DCAF1: variants seen among roughly 807,000 people sequenced by gnomAD.
DCAF1 encodes the protein DDB1 and CUL4 associated factor 1, also known as DDB1- and CUL4-associated factor 1.
A neutral mutation model predicts 128.0 loss-of-function variants in DCAF1; 15 were observed. The observed-to-expected ratio is 0.12, with a 90% CI of 0.08 to 0.18. The LOEUF is 0.18. Ranked by LOEUF, DCAF1 falls within the 10% of genes least tolerant of loss-of-function variation. The pLI is 1.00. For missense variants in DCAF1, 988 were observed against 1,649.5 expected (o/e 0.60, Z 6.95); for synonymous variants, 610 against 603.0 (o/e 1.01, Z -0.17).
intron 9 of DCAF1, among the ~76,000 whole-genome samples, chr3:51,438,665 G>A (rs1701076712): frequency 6.6e-6 from 1 of 152,236 alleles, no homozygotes; most frequent in South Asian, 2.1e-4. Context: ...AGGCTGGAAT[G>A]CAATGGCACG....
At chr3:51,481,714 G>C (rs2108381309) in intron 3 of DCAF1, among the ~76,000 whole-genome samples, 1 of 151,918 alleles carries the variant, frequency 6.6e-6, no homozygotes, top group Non-Finnish European at 1.5e-5. Flanking sequence ...AAATATGCCG[G>C]GCACAGTGGC....
At chr3:51,429,140 G>A (rs1291346660) in intron 12 of DCAF1, 121 bp downstream of exon 12, 49 of 650,460 alleles carry the variant, frequency 7.5e-5, no homozygotes, top group Non-Finnish European at 1.3e-4. Context: ...CCTTCATACA[G>A]GGAAGTATAC....
At chr3:51,477,727 C>T (rs1024908173) in intron 3 of DCAF1, among the ~76,000 whole-genome samples, 1 of 152,070 alleles carries the variant, frequency 6.6e-6, no homozygotes, top group Non-Finnish European at 1.5e-5. Context: ...AATGATGTAT[C>T]TTTCAGAGAT....
chr3:51,414,631 G>A lies in DCAF1; in HGVS notation c.3830C>T (p.Thr1277Ile). Residue 1277 changes from threonine to isoleucine, a missense_variant, in exon 19 of 25, where the codon ACT becomes ATT. Physicochemically the swap from Thr to Ile is moderately conservative, Grantham distance 89 (BLOSUM62 -1). Coordinates refer to ENST00000684031, the MANE Select transcript of DCAF1 (RefSeq NM_001387579.1). ...CATGAGTATAAAGGATACAATCTCA[G>A]TATTAATGATCACCTCCAGTCCATT... ...HPNGLEVIIN[T>I]EIWDLRTFHL... 6.2e-7 allele frequency: 1 copy of A among 1,613,932 alleles called. No homozygotes were observed. The highest frequency in any genetic ancestry group is 8.5e-7 in the Non-Finnish European group (1 of 1,179,808).
At chr3:51,432,722 G>C (rs1201569537) in intron 10 of DCAF1, among the ~76,000 whole-genome samples, 1 of 152,138 alleles carries the variant, frequency 6.6e-6, no homozygotes, top group African/African-American at 2.4e-5. Context: ...ACCTCCCAAA[G>C]TGCTGTGATT....
chr3:51,401,342 G>T (rs1008918892), intron 24 of DCAF1, among the ~76,000 whole-genome samples: 1 of 152,070 alleles, frequency 6.6e-6, no homozygotes, highest in South Asian at 2.1e-4. Flanking sequence ...CAGAGCTACT[G>T]CTCTAAAGGA....
At chr3:51,399,565 C>A (rs1553624285) in intron 24 of DCAF1, among the ~76,000 whole-genome samples, 1 of 152,076 alleles carries the variant, frequency 6.6e-6, no homozygotes, top group Non-Finnish European at 1.5e-5. Context: ...AGCACACGGA[C>A]ACATTAACAC....
At position 51,419,961 on chromosome 3, in the gene DCAF1, C is replaced by A. The variant is rs542435236; in HGVS notation, c.3009G>T (p.Thr1003=). Residue 1003 remains threonine, a synonymous_variant, in exon 15 of 25, where the codon ACG becomes ACT. Coordinates refer to ENST00000684031, the MANE Select transcript of DCAF1 (RefSeq NM_001387579.1). The part of the protein sequence containing the change: ...QLDRHLPSPP[T]LDSIITEYLR... ...GATACTCTGTGATTATACTGTCCAG[C>A]GTAGGTGGGGAAGGAAGATGTCTGT... 5 of 1,613,860 alleles carry A rather than the reference C, an allele frequency of 3.1e-6. No homozygotes were observed. Among genetic ancestry groups the A allele is most frequent in the Non-Finnish European group, 4.2e-6 (5 of 1,179,884 alleles).
In DCAF1 at chr3:51,441,762, C is replaced by G; in HGVS notation, c.649G>C (p.Asp217His). ...ACATCTACAGCCATGTCACCATAGT[C>G]CATATCCACAGCCTCCTCATCCAGA... ...LPLDEEAVDM[D>H]YGDMAVDVVD... The change falls in exon 8 of 25, where the codon GAC (aspartate) becomes CAC (histidine). Residue 217 changes from aspartate to histidine, a missense_variant. By Grantham distance (81) the Asp-to-His change is moderately conservative (BLOSUM62 -1). Coordinates refer to ENST00000684031, the MANE Select transcript of DCAF1 (RefSeq NM_001387579.1). The G allele has an allele frequency of 6.2e-7, 1 of 1,613,964 alleles. No individual in the cohort carries two copies. The highest frequency in any genetic ancestry group is 8.5e-7 in the Non-Finnish European group (1 of 1,179,884).
At chr3:51,499,122 C>A (rs140486973) in intron 1 of DCAF1, among the ~76,000 whole-genome samples, 1 of 152,364 alleles carries the variant, frequency 6.6e-6, no homozygotes, top group African/African-American at 2.4e-5. Flanking sequence ...AGCGCTGCCA[C>A]CGCAGTAAGA....
At chr3:51,465,688 T>C (rs1474938465) in intron 5 of DCAF1, among the ~76,000 whole-genome samples, 1 of 150,826 alleles carries the variant, frequency 6.6e-6, no homozygotes, top group Non-Finnish European at 1.5e-5. Context: ...GAGGTTGCAG[T>C]GAGCCGAGAT....
chr3:51,478,749 G>A (rs1427574279), intron 3 of DCAF1, among the ~76,000 whole-genome samples: 2 of 151,820 alleles, frequency 1.3e-5, no homozygotes, highest in Non-Finnish European at 2.9e-5. Context: ...TCAGCCTTCC[G>A]AAGTGCTGGG....
intron 17 of DCAF1, among the ~76,000 whole-genome samples, chr3:51,417,299 G>T (rs190563659): frequency 2.1e-3 from 317 of 152,244 alleles, no homozygotes; most frequent in Non-Finnish European, 3.6e-3. Flanking sequence ...TATGCCTGTG[G>T]TCCCAGCTAC....
intron 1 of DCAF1, among the ~76,000 whole-genome samples, chr3:51,497,892 T>C (rs1379002927): frequency 6.6e-6 from 1 of 150,620 alleles, no homozygotes; most frequent in Non-Finnish European, 1.5e-5. Flanking sequence ...CTACTAAAAA[T>C]ACAAAAAATT....
At chr3:51,470,242 A>C (rs1446370935) in intron 4 of DCAF1, among the ~76,000 whole-genome samples, 1 of 152,128 alleles carries the variant, frequency 6.6e-6, no homozygotes, top group African/African-American at 2.4e-5. Flanking sequence ...GAAGGCACAG[A>C]GAAGAACACC....
intron 7 of DCAF1, among the ~76,000 whole-genome samples, 188 bp from the exon 8 acceptor site, chr3:51,442,085 T>G (rs1701411665): frequency 6.6e-6 from 1 of 152,182 alleles, no homozygotes; most frequent in Non-Finnish European, 1.5e-5. Context: ...AGCTAAGTAT[T>G]GTTCCTCATA....
chr3:51,497,650 G>A (rs973358943), intron 1 of DCAF1, among the ~76,000 whole-genome samples: 8 of 152,110 alleles, frequency 5.3e-5, no homozygotes, highest in Non-Finnish European at 8.8e-5. Flanking sequence ...TGTAATCCCA[G>A]CAATTTGGGA....
chr3:51,486,490 C>T (rs1458737110), intron 2 of DCAF1, among the ~76,000 whole-genome samples: 2 of 151,486 alleles, frequency 1.3e-5, no homozygotes, highest in South Asian at 2.1e-4. Context: ...CACCACACCC[C>T]GCCATATTTT....
chr3:51,420,846 C>A lies in DCAF1; in HGVS notation c.2124G>T (p.Arg708=). ...SIGKFISGTP[R]RKLPQNPKSS... ...TTTTAGGGTTCTGAGGCAGCTTTCT[C>A]CGAGGAGTACCAGAGATAAATTTAC... The change falls in exon 15 of 25, where the codon CGG becomes CGT. Residue 708 remains arginine, a synonymous_variant. Transcript: ENST00000684031. This position sits in a 1 kb window ranked among gnomAD's most constrained non-coding sequence, Gnocchi z 6.5. 1 of 1,613,992 alleles carries A rather than the reference C, an allele frequency of 6.2e-7. No homozygotes were observed. The highest frequency in any genetic ancestry group is 8.5e-7 in the Non-Finnish European group (1 of 1,179,892).
Sources: allele counts gnomAD v4.1 joint callset (sites outside exome capture counted in the v4.1 genomes callset), GRCh38; gene constraint gnomAD v4.1.1; non-coding constraint Gnocchi (gnomAD v3.1); transcripts MANE v1.5; gene names NCBI Gene and HGNC (gene_info 2026-07-23, HGNC 2026-07-21).